Variants in CNOT1 observed in about 807,000 individuals in gnomAD.
CNOT1 encodes the protein CCR4-NOT transcription complex subunit 1.
In CNOT1, 15 loss-of-function variants were observed where a neutral mutation model predicts 273.8. That is an observed-to-expected ratio of 0.05 (90% CI 0.04 to 0.08). CNOT1 has a LOEUF of 0.08. Among genes scored for constraint, CNOT1 ranks in the 10% least tolerant of loss-of-function variants. The probability of loss-of-function intolerance (pLI) is 1.00; values close to 1 mark genes in which losing one functional copy is unlikely to be tolerated. For synonymous variants in CNOT1, 1,022 were observed against 1,005.5 expected (o/e 1.02, Z -0.31); for missense variants, 1,644 against 2,912.2 (o/e 0.56, Z 10.02).
At chr16:58,609,941 T>C (rs1467183383) in intron 1 of CNOT1, among the ~76,000 whole-genome samples, 2 of 151,892 alleles carry the variant, frequency 1.3e-5, no homozygotes, top group African/African-American at 4.8e-5. Flanking sequence ...AAGTTGGCAT[T>C]CCTATCAACT....
At chr16:58,616,966 A>G (rs1375925243) in intron 1 of CNOT1, among the ~76,000 whole-genome samples, 3 of 152,096 alleles carry the variant, frequency 2.0e-5, no homozygotes. Flanking sequence ...GCATCTATGG[A>G]AAAAAAACAC....
At chr16:58,623,368 G>A (rs1157532440) in intron 1 of CNOT1, 2 of 152,098 alleles carry the variant, frequency 1.3e-5, no homozygotes, top group African/African-American at 4.8e-5. Context: ...TTGACTGATA[G>A]CTTGGCAACT....
intron 2 of CNOT1, among the ~76,000 whole-genome samples, chr16:58,596,813 A>G (rs557310378): frequency 7.3e-6 from 1 of 136,330 alleles, no homozygotes; most frequent in South Asian, 2.6e-4. Flanking sequence ...GCGTGAACCT[A>G]GGAGGTGGAG....
At chr16:58,587,556 A>T in intron 4 of CNOT1, 143 bp from the exon 5 acceptor site, 2 of 1,270,478 alleles carry the variant, frequency 1.6e-6, no homozygotes, top group Non-Finnish European at 2.1e-6. Flanking sequence ...CTATGTCCTA[A>T]AACTGTGAAA....
chr16:58,594,441 G>A (rs1168292416), intron 2 of CNOT1, among the ~76,000 whole-genome samples: 2 of 152,104 alleles, frequency 1.3e-5, no homozygotes, highest in Non-Finnish European at 2.9e-5. Flanking sequence ...AAAATGTTCT[G>A]AAATTAGATA....
At chr16:58,536,751 G>GT (rs2039942067) in intron 39 of CNOT1, among the ~76,000 whole-genome samples, 1 of 152,068 alleles carries the variant, frequency 6.6e-6, no homozygotes, top group Admixed American at 6.6e-5. Flanking sequence ...CTTTGTAGCT[G>GT]TGACAACTGA....
At chr16:58,606,438 G>T (rs2042679065) in intron 1 of CNOT1, among the ~76,000 whole-genome samples, 1 of 152,030 alleles carries the variant, frequency 6.6e-6, no homozygotes, top group Admixed American at 6.6e-5. Flanking sequence ...AACAAAGATT[G>T]TACAAGGCCA....
chr16:58,540,238 T>C (rs2040049263), intron 34 of CNOT1, among the ~76,000 whole-genome samples: 3 of 152,182 alleles, frequency 2.0e-5, no homozygotes, highest in African/African-American at 7.2e-5. Flanking sequence ...AGAGCATTAG[T>C]AACAATGAGA....
At chr16:58,555,750 A>C (rs2040609960) in intron 20 of CNOT1, 34 bp downstream of exon 20, 2 of 1,612,478 alleles carry the variant, frequency 1.2e-6, no homozygotes, top group Middle Eastern at 1.7e-4. Flanking sequence ...GACTGGCCTA[A>C]ACAATAAATA....
intron 13 of CNOT1, among the ~76,000 whole-genome samples, chr16:58,578,031 C>A (rs9921370): frequency 0.75 from 114,481 of 152,136 alleles, 43,480 homozygotes; most frequent in Middle Eastern, 0.86. Flanking sequence ...TTAAAAATTG[C>A]TCTGTGATCT....
chr16:58,571,065 C>G (rs2041254297), intron 16 of CNOT1, among the ~76,000 whole-genome samples: 2 of 152,066 alleles, frequency 1.3e-5, no homozygotes, highest in South Asian at 2.1e-4. Flanking sequence ...TAAAAGAGAC[C>G]TACTTCAAAT....
chr16:58,595,841 C>T (rs1448615437), intron 2 of CNOT1, among the ~76,000 whole-genome samples: 2 of 151,994 alleles, frequency 1.3e-5, no homozygotes, highest in Admixed American at 6.6e-5. Flanking sequence ...AACCCATGGG[C>T]CAGAATTTCT....
At chr16:58,530,593 G>A (rs1383588326) in intron 42 of CNOT1, 1 of 275,030 alleles carries the variant, frequency 3.6e-6, no homozygotes, top group Non-Finnish European at 6.8e-6. Context: ...GACCAGCCTG[G>A]CCAACATATT....
intron 16 of CNOT1, among the ~76,000 whole-genome samples, chr16:58,570,217 TGAAACAA>T (rs2041220017): frequency 6.6e-6 from 1 of 152,188 alleles, no homozygotes; most frequent in Non-Finnish European, 1.5e-5. Context: ...GCAGTCCTGC[TGAAACAA>T]GAAAAATTCA....
rs1157578813 is a variant in CNOT1 at position 58,578,768 on chromosome 16, A to G, written c.1515T>C (p.Thr505=). ...WHTLRHELIS[T]LMPIFLGNHP... ...GGTTTCCAAGGAAAATTGGCATCAG[A>G]GTGGAGATAAGTTCATGGCGCAAGG... Residue 505 remains threonine, a synonymous_variant, in exon 13 of 49, where the codon ACT becomes ACC. Coordinates refer to ENST00000317147, the MANE Select transcript of CNOT1 (RefSeq NM_016284.5). 1.9e-6 allele frequency: 3 copies of G among 1,614,048 alleles called. No homozygotes were observed. The highest frequency in any genetic ancestry group is 2.7e-5 in the African/African-American group (2 of 74,926).
At chr16:58,608,373 G>A (rs535598820) in intron 1 of CNOT1, among the ~76,000 whole-genome samples, 3 of 152,014 alleles carry the variant, frequency 2.0e-5, no homozygotes, top group East Asian at 3.9e-4. Context: ...GGCCAACATA[G>A]TGAAACCCTG....
intron 9 of CNOT1, 30 bp from the exon 10 acceptor site, chr16:58,582,933 CCCAACTACT>C: frequency 6.2e-7 from 1 of 1,613,430 alleles, no homozygotes; most frequent in Non-Finnish European, 8.5e-7. Context: ...ATTAAACAAA[CCCAACTACT>C]CCATGTGTTC....
chr16:58,537,333 C>T lies in CNOT1; in HGVS notation c.5415-113G>A, dbSNP rs188904676. The T allele has an allele frequency of 6.9e-5, 98 of 1,418,764 alleles. No individual in the cohort carries two copies. In the African/African-American group the frequency reaches 1.0e-3, roughly 15 times the overall value. The allele number at this position is 1,418,764 out of a possible 1,614,324, so 87.9% of individuals were successfully genotyped here. A position where few individuals can be genotyped will look rare whatever the true frequency, so the allele number is the denominator to read the frequency against. On this transcript the variant is annotated intron_variant, in intron 38 of 48. Transcript: ENST00000317147. ...CAACCACCAGAGTGGTTTACCACTTCGCTTTACCACTTCCACACTGAAACA... is the reference window on the plus strand; with the variant it reads ...CAACCACCAGAGTGGTTTACCACTTTGCTTTACCACTTCCACACTGAAACA...
In CNOT1 at chr16:58,587,853, G is replaced by A. The variant is rs142749838; in HGVS notation, c.236C>T (p.Ala79Val). ...AAAATTTGGCTTTGTAATCAGCAAC[G>A]CACACTCCTGAATCAGAAACTGAGT... is the stretch of plus-strand genomic sequence containing the variant. ...HQTQFLIQEC[A>V]LLITKPNFIS... The change falls in exon 4 of 49, where the codon GCG becomes GTG. Residue 79 changes from alanine to valine, a missense_variant. Ala to Val is a moderately conservative substitution (Grantham distance 64). This residue lies in a region of CNOT1 where 706 missense variants were observed against 1,021.2 expected (regional missense o/e 0.69). Coordinates refer to ENST00000317147, the MANE Select transcript of CNOT1 (RefSeq NM_016284.5). The A allele has an allele frequency of 3.3e-4, 534 of 1,613,422 alleles. No individual in the cohort carries two copies. The highest frequency in any genetic ancestry group is 7.0e-4 in the Admixed American group (42 of 59,984).
Sources: gnomAD v4.1 joint callset for allele counts (sites outside exome capture counted in the v4.1 genomes callset) on GRCh38, gnomAD v4.1.1 for gene constraint, gnomAD v4.1.1 regional missense constraint, MANE v1.5 for transcripts, NCBI Gene and HGNC (gene_info 2026-07-23, HGNC 2026-07-21) for gene names.